Variants in CYLC2 observed in about 807,000 individuals in gnomAD.
CYLC2 encodes the protein cylicin 2.
CYLC2 carries 30 observed loss-of-function variants against 26.1 expected under a neutral mutation model. The observed-to-expected ratio is 1.15, with a 90% CI of 0.86 to 1.56. The LOEUF is 1.56. Ranked by LOEUF, CYLC2 falls within the 40% of genes most tolerant of loss-of-function variation. The pLI, the probability that CYLC2 is intolerant of heterozygous loss-of-function variation, is 0.00. For synonymous variants in CYLC2, 158 were observed against 132.8 expected, an observed-to-expected ratio of 1.19 and a Z score of -1.31; for missense variants, 498 against 394.4, an observed-to-expected ratio of 1.26 and a Z score of -2.23.
At position 102,995,340 on chromosome 9, in the gene CYLC2, A is replaced by C; in HGVS notation, c.-41A>C. On this transcript the variant is annotated 5_prime_UTR_variant, in exon 1 of 8. Coordinates refer to ENST00000374798, the MANE Select transcript of CYLC2 (RefSeq NM_001340.5). ...TCACCTTTCAACATCACCAGTTTGA[A>C]CTTACAATACTTAAGTCCTGGCAAG... 1 of 1,557,742 alleles carries C rather than the reference A, an allele frequency of 6.4e-7. No individual in the cohort carries two copies. The highest frequency in any genetic ancestry group is 8.8e-7 in the Non-Finnish European group (1 of 1,130,010).
At chr9:102,998,769 C>G (rs996643915) in intron 1 of CYLC2, among the ~76,000 whole-genome samples, 2 of 151,902 alleles carry the variant, frequency 1.3e-5, no homozygotes, top group African/African-American at 2.4e-5. Flanking sequence ...AGATTCCAGT[C>G]AATCCAACTT....
Position 103,004,763 on chromosome 9 carries a change from A to G in CYLC2, c.249A>G (p.Arg83=), listed in dbSNP as rs1335138122. Residue 83 remains arginine, a synonymous_variant, in exon 4 of 8, where the codon AGA becomes AGG. Coordinates refer to ENST00000374798, the MANE Select transcript of CYLC2 (RefSeq NM_001340.5). ...QPLWMYRSLM[R]ISERPSVYLA... is the part of the protein sequence containing the mutation. Reference sequence around the variant, plus strand: ...TATGGATGTACCGTTCTTTAATGAGAATTTCTGAGAGACCATCTGTTTATT... The same window carrying G: ...TATGGATGTACCGTTCTTTAATGAGGATTTCTGAGAGACCATCTGTTTATT... 1.2e-6 allele frequency: 2 copies of G among 1,612,154 alleles called. No homozygotes were observed. Among genetic ancestry groups the G allele is most frequent in the Admixed American group, 1.7e-5 (1 of 59,718 alleles).
At chr9:102,995,457 C>A (rs1349703895) in intron 1 of CYLC2, 60 bp downstream of exon 1, 4 of 1,243,952 alleles carry the variant, frequency 3.2e-6, no homozygotes, top group South Asian at 1.2e-5. Context: ...CATTTAACTT[C>A]TTTAGTATGA....
rs749057024 is a variant in CYLC2 at position 103,003,134 on chromosome 9, T to C, written c.59-8T>C. 2 of 1,613,216 alleles carry C rather than the reference T, an allele frequency of 1.2e-6. No homozygotes were observed. Among genetic ancestry groups the C allele is most frequent in the Admixed American group, 1.7e-5 (1 of 59,948 alleles). On this transcript the variant is annotated splice_polypyrimidine_tract_variant and splice_region_variant and intron_variant, in intron 2 of 7. Transcript: ENST00000374798. Reference sequence around the variant, plus strand: ...TCCAAAATGTGTTTTTTGTCTCCCTTATTTTAGTCAGTGAATTAAGCAAAA... The same window carrying C: ...TCCAAAATGTGTTTTTTGTCTCCCTCATTTTAGTCAGTGAATTAAGCAAAA...
chr9:103,017,525 T>C (rs1293276373), intron 7 of CYLC2, among the ~76,000 whole-genome samples: 1 of 152,068 alleles, frequency 6.6e-6, no homozygotes, highest in Non-Finnish European at 1.5e-5. Flanking sequence ...GCAAGTTTCA[T>C]TCATCTCTTC....
intron 6 of CYLC2, among the ~76,000 whole-genome samples, chr9:103,013,451 A>G (rs1449867292): frequency 5.6e-5 from 6 of 108,076 alleles, no homozygotes; most frequent in African/African-American, 2.3e-4. Context: ...AGAAATATAT[A>G]TTTATCTATT....
At chr9:103,003,404 T>C (rs1426056852) in intron 3 of CYLC2, 141 bp downstream of exon 3, 6 of 751,850 alleles carry the variant, frequency 8.0e-6, no homozygotes, top group African/African-American at 7.1e-5. Context: ...GTATGTGTTA[T>C]AGATCAAAGC....
intron 1 of CYLC2, among the ~76,000 whole-genome samples, chr9:102,995,606 C>A (rs996353424): frequency 6.6e-6 from 1 of 151,740 alleles, no homozygotes; most frequent in Non-Finnish European, 1.5e-5. Flanking sequence ...AAAATAGATA[C>A]CTGGCTTTGG....
intron 1 of CYLC2, among the ~76,000 whole-genome samples, chr9:102,996,879 A>C (rs941869307): frequency 1.3e-5 from 2 of 151,946 alleles, no homozygotes; most frequent in African/African-American, 4.8e-5. Flanking sequence ...CTTGGCCTCA[A>C]ATTTAGGTTG....
At chr9:103,016,775 A>G (rs1829510712) in intron 6 of CYLC2, 113 bp from the exon 7 acceptor site, 1 of 152,062 alleles carries the variant, frequency 6.6e-6, no homozygotes, top group Non-Finnish European at 1.5e-5. Context: ...ACTTAATGGC[A>G]TAACAGATGG....
intron 1 of CYLC2, among the ~76,000 whole-genome samples, chr9:103,000,065 T>C (rs1829272930): frequency 6.6e-6 from 1 of 151,806 alleles, no homozygotes; most frequent in South Asian, 2.1e-4. Flanking sequence ...ATTTTAAACA[T>C]TTTTTATAAT....
rs1421905626 is a variant in CYLC2, at chr9:103,013,382, A to AT, written c.*816+1286dup. 3.0e-3 allele frequency among the ~76,000 whole-genome samples: 325 copies of AT among 107,644 alleles called. 2 individuals are homozygous for AT. The highest frequency in any genetic ancestry group is 4.2e-3 in the Non-Finnish European group (255 of 60,408). The allele number at this position is 107,644 out of a possible 152,430, so 70.6% of individuals were successfully genotyped here. On this transcript the variant is annotated intron_variant, in intron 6 of 7. Transcript: ENST00000374798. ...TATAAATATATATTTAATATATTAT[A>AT]TAAATATATATTATATAAATATATA...
chr9:103,017,577 T>C (rs138752559), intron 7 of CYLC2, among the ~76,000 whole-genome samples: 1 of 152,058 alleles, frequency 6.6e-6, no homozygotes, highest in African/African-American at 2.4e-5. Context: ...CAAACCTACA[T>C]GTTAACATAT....
Position 103,005,047 on chromosome 9 carries a change from A to C in CYLC2, c.416A>C (p.Lys139Thr), listed in dbSNP as rs1181955803. The C allele has an allele frequency of 6.3e-7, 1 of 1,599,246 alleles. No homozygotes were observed. The highest frequency in any genetic ancestry group is 1.1e-5 in the South Asian group (1 of 88,876). Reference sequence around the variant, plus strand: ...GAATCAGAATTAAAACAAGGAAAAAAAGATTCAAAGAAAGGCAAGGATATA... The same window carrying C: ...GAATCAGAATTAAAACAAGGAAAAACAGATTCAAAGAAAGGCAAGGATATA... ...DSESELKQGK[K>T]DSKKGKDIEK... The change falls in exon 5 of 8, where the codon AAA (lysine) becomes ACA (threonine). Residue 139 changes from lysine to threonine, a missense_variant. Lys to Thr is a moderately conservative substitution (Grantham distance 78). Coordinates refer to ENST00000374798, the MANE Select transcript of CYLC2 (RefSeq NM_001340.5).
At chr9:103,017,740 G>A (rs1389943675) in intron 7 of CYLC2, among the ~76,000 whole-genome samples, 2 of 151,944 alleles carry the variant, frequency 1.3e-5, no homozygotes, top group Non-Finnish European at 2.9e-5. Flanking sequence ...CCACAGACGG[G>A]GTAGCTTAAA....
At chr9:102,996,695 G>A (rs1431747494) in intron 1 of CYLC2, among the ~76,000 whole-genome samples, 1 of 151,890 alleles carries the variant, frequency 6.6e-6, no homozygotes, top group East Asian at 1.9e-4. Flanking sequence ...TCTAAGGATG[G>A]CAGAGCCTTA....
chr9:103,008,163 G>A (rs34631619), intron 5 of CYLC2, among the ~76,000 whole-genome samples: 30,346 of 151,784 alleles, frequency 0.2, 3,190 homozygotes, highest in South Asian at 0.29. Context: ...CTATAAAAAG[G>A]CCCTTAAAAT....
intron 6 of CYLC2, among the ~76,000 whole-genome samples, chr9:103,015,962 T>A (rs1470622601): frequency 6.7e-6 from 1 of 150,138 alleles, no homozygotes; most frequent in African/African-American, 2.4e-5. Context: ...TGTATATATA[T>A]AATATGTAAG....
chr9:103,013,104 T>G (rs1829425912), intron 6 of CYLC2, among the ~76,000 whole-genome samples: 1 of 133,934 alleles, frequency 7.5e-6, no homozygotes, highest in African/African-American at 2.7e-5. Context: ...TATAAAAATA[T>G]ATATCATAAA....
Sources: allele counts gnomAD v4.1 joint callset (sites outside exome capture counted in the v4.1 genomes callset), GRCh38; gene constraint gnomAD v4.1.1; transcripts MANE v1.5; gene names NCBI Gene and HGNC (gene_info 2026-07-23, HGNC 2026-07-21).